The following LPCAT2 variants were observed in gnomAD, a reference collection of about 807,000 sequenced individuals.
LPCAT2 encodes the protein lysophosphatidylcholine acyltransferase 2, also known as 1-AGP acyltransferase 11.
A neutral mutation model predicts 64.7 loss-of-function variants in LPCAT2; 58 were observed. The ratio of observed to expected loss-of-function variants is 0.90; its 90% CI spans 0.73 to 1.12. The LOEUF (loss-of-function observed/expected upper bound fraction) is 1.12. Among genes scored for constraint, LPCAT2 ranks in the 50% most tolerant of loss-of-function variants. The pLI is 0.00. For missense variants in LPCAT2, 579 were observed against 669.8 expected (o/e 0.86, Z 1.50); for synonymous variants, 252 against 245.3 (o/e 1.03, Z -0.26).
chr16:55,577,089 T>G (rs1207065240), intron 12 of LPCAT2, among the ~76,000 whole-genome samples: 3 of 152,124 alleles, frequency 2.0e-5, no homozygotes, highest in African/African-American at 4.8e-5. Context: ...CCAAGGCGCA[T>G]GAAGAGCCTG....
At chr16:55,533,026 A>G in intron 6 of LPCAT2, 144 bp downstream of exon 6, 1 of 587,198 alleles carries the variant, frequency 1.7e-6, no homozygotes, top group Admixed American at 3.2e-5. Context: ...CGCCACATCT[A>G]GTTTTTAAAA....
chr16:55,534,382 T>A (rs1343846192), intron 6 of LPCAT2, 61 bp from the exon 7 acceptor site: 13 of 954,050 alleles, frequency 1.4e-5, no homozygotes, highest in Non-Finnish European at 2.2e-5. Flanking sequence ...TAAAATAAGA[T>A]CTTTATTTTA....
chr16:55,561,745 A>T (rs917338848), intron 11 of LPCAT2, among the ~76,000 whole-genome samples: 5 of 152,046 alleles, frequency 3.3e-5, no homozygotes, highest in Non-Finnish European at 7.4e-5. Flanking sequence ...GTCTAAAGCC[A>T]GATGGCCCCT....
At chr16:55,519,442 G>A (rs1453093918) in intron 1 of LPCAT2, among the ~76,000 whole-genome samples, 1 of 150,762 alleles carries the variant, frequency 6.6e-6, no homozygotes, top group Non-Finnish European at 1.5e-5. Context: ...CTGGGAGGCG[G>A]AGATTGCAGT....
chr16:55,541,630 T>A (rs905234877), intron 8 of LPCAT2: 1 of 230,660 alleles, frequency 4.3e-6, no homozygotes, highest in Middle Eastern at 1.7e-3. Flanking sequence ...ATAAAAAGGG[T>A]ATTAACTAGA....
At chr16:55,582,829 G>A in intron 13 of LPCAT2, 85 bp from the exon 14 acceptor site, 3 of 826,736 alleles carry the variant, frequency 3.6e-6, no homozygotes, top group Non-Finnish European at 5.7e-6. Context: ...TGTAATAATT[G>A]CATTATTAGA....
At chr16:55,521,265 A>G (rs1596849824) in intron 1 of LPCAT2, among the ~76,000 whole-genome samples, 1 of 151,844 alleles carries the variant, frequency 6.6e-6, no homozygotes, top group South Asian at 2.1e-4. Flanking sequence ...CAGTGTATCA[A>G]AAATAGACAC....
intron 8 of LPCAT2, among the ~76,000 whole-genome samples, chr16:55,542,721 A>T (rs1963411992): frequency 6.6e-6 from 1 of 152,170 alleles, no homozygotes; most frequent in Non-Finnish European, 1.5e-5. Context: ...ATTGATCCAG[A>T]TGTGACCATT....
chr16:55,554,936 C>T (rs1963557839), intron 11 of LPCAT2, among the ~76,000 whole-genome samples: 1 of 152,156 alleles, frequency 6.6e-6, no homozygotes, highest in African/African-American at 2.4e-5. Flanking sequence ...TCAGAACACA[C>T]ACATTTATCA....
chr16:55,568,061 T>G (rs1301983884), intron 11 of LPCAT2, among the ~76,000 whole-genome samples: 1 of 152,170 alleles, frequency 6.6e-6, no homozygotes, highest in Non-Finnish European at 1.5e-5. Flanking sequence ...GACAATGAAA[T>G]TAAGCAGTTT....
intron 11 of LPCAT2, among the ~76,000 whole-genome samples, chr16:55,552,454 T>C (rs1275737413): frequency 6.6e-6 from 1 of 152,238 alleles, no homozygotes; most frequent in Non-Finnish European, 1.5e-5. Flanking sequence ...CATTTCATTT[T>C]ACTTGGGTAA....
At chr16:55,568,621 T>C (rs1343054640) in intron 11 of LPCAT2, among the ~76,000 whole-genome samples, 1 of 152,134 alleles carries the variant, frequency 6.6e-6, no homozygotes, top group Non-Finnish European at 1.5e-5. Flanking sequence ...GAGATGAATA[T>C]GTTTAAAGCT....
At chr16:55,563,030 C>A (rs2142409386) in intron 11 of LPCAT2, among the ~76,000 whole-genome samples, 1 of 151,680 alleles carries the variant, frequency 6.6e-6, no homozygotes, top group Non-Finnish European at 1.5e-5. Context: ...ACACATAAAA[C>A]CAGAAATGAA....
At position 55,549,320 on chromosome 16, in the gene LPCAT2, A is replaced by G; in HGVS notation, c.979A>G (p.Arg327Gly). Residue 327 changes from arginine to glycine, a missense_variant, in exon 10 of 14, where the codon AGA becomes GGA. Arg to Gly is a moderately radical substitution (Grantham distance 125). Coordinates refer to ENST00000262134, the MANE Select transcript of LPCAT2 (RefSeq NM_017839.5). ...PVTDHTYEDC[R>G]LMISAGQLTL... The stretch of plus-strand genomic sequence containing the variant: ...AACAGATCATACCTATGAAGACTGC[A>G]GATTGATGATTTCAGCAGGACAGCT... The G allele has an allele frequency of 1.2e-6, 2 of 1,604,634 alleles. No individual in the cohort carries two copies. Among genetic ancestry groups the G allele is most frequent in the Non-Finnish European group, 1.7e-6 (2 of 1,175,792 alleles).
intron 9 of LPCAT2, 40 bp from the exon 10 acceptor site, chr16:55,549,237 T>A (rs2160277): frequency 0.8 from 1,065,346 of 1,327,898 alleles, 423,523 homozygotes; most frequent in Admixed American, 0.86. Flanking sequence ...CTTTTTTTTT[T>A]AAAAAAAATG....
chr16:55,564,484 G>T (rs1169603889), intron 11 of LPCAT2, among the ~76,000 whole-genome samples: 1 of 151,896 alleles, frequency 6.6e-6, no homozygotes, highest in African/African-American at 2.4e-5. Context: ...TGCAGCACTG[G>T]TTTCAAGAAA....
chr16:55,552,191 T>C (rs1963525302), intron 11 of LPCAT2, among the ~76,000 whole-genome samples: 1 of 152,238 alleles, frequency 6.6e-6, no homozygotes, highest in Non-Finnish European at 1.5e-5. Context: ...AATGGAATCA[T>C]ACAGTATATA....
In LPCAT2 at chr16:55,531,974, G is replaced by T; in HGVS notation, c.703G>T (p.Gly235Ter). The change falls in exon 5 of 14, where the codon GGA (glycine) becomes TGA (stop). Residue 235 changes from glycine to a stop codon, truncating the protein, a stop_gained and splice_region_variant. Transcript: ENST00000262134. LOFTEE classifies it high-confidence loss of function. ...TTCCTGTTTGATTACTTTTAAACCA[G>T]GTGAGAAAAATTAAATTATGTATTC... is the stretch of plus-strand genomic sequence containing the variant. ...NRSCLITFKP[G>*]AFIPGVPVQP... 6.4e-7 allele frequency: 1 copy of T among 1,567,014 alleles called. No individual in the cohort carries two copies. Among genetic ancestry groups the T allele is most frequent in the African/African-American group, 1.4e-5 (1 of 74,050 alleles).
chr16:55,582,137 A>G (rs1392188799), intron 13 of LPCAT2, among the ~76,000 whole-genome samples: 1 of 152,206 alleles, frequency 6.6e-6, no homozygotes, highest in Non-Finnish European at 1.5e-5. Flanking sequence ...AAAACTAAAT[A>G]AAACATATAA....
Sources: allele counts gnomAD v4.1 joint callset (sites outside exome capture counted in the v4.1 genomes callset), GRCh38; gene constraint gnomAD v4.1.1; transcripts MANE v1.5; gene names NCBI Gene and HGNC (gene_info 2026-07-23, HGNC 2026-07-21).